The following MCPH1 variants were observed in gnomAD, a reference collection of about 807,000 sequenced individuals.
MCPH1 encodes microcephalin 1.
Under a neutral mutation model 84.5 loss-of-function variants are expected in MCPH1, and 104 were observed. The ratio of observed to expected loss-of-function variants is 1.23; its 90% confidence interval spans 1.05 to 1.45. The LOEUF (loss-of-function observed/expected upper bound fraction) is 1.45, where lower values mean the gene tolerates loss of function less well. MCPH1 is among the 40% of genes most tolerant of loss of function. The probability of loss-of-function intolerance (pLI) is 0.00; values close to 1 mark genes in which losing one functional copy is unlikely to be tolerated. For missense variants in MCPH1, 1,498 were observed against 1,005.7 expected, an observed-to-expected ratio of 1.49 and a Z score of -6.62; for synonymous variants, 514 against 366.8, an observed-to-expected ratio of 1.40 and a Z score of -4.58.
chr8:6,542,572 G>A (rs377320162), intron 12 of MCPH1, among the ~76,000 whole-genome samples: 1 of 151,264 alleles, frequency 6.6e-6, no homozygotes, highest in African/African-American at 2.4e-5. Context: ...CACTCTCATC[G>A]CTGTACTGAT....
chr8:6,585,556 C>T (rs913926127), intron 12 of MCPH1, among the ~76,000 whole-genome samples: 1 of 152,236 alleles, frequency 6.6e-6, no homozygotes, highest in African/African-American at 2.4e-5. Flanking sequence ...AGGTTTACCT[C>T]TCTAAATGTC....
chr8:6,509,662 C>T (rs549536548), intron 12 of MCPH1, among the ~76,000 whole-genome samples: 1 of 152,200 alleles, frequency 6.6e-6, no homozygotes, highest in Non-Finnish European at 1.5e-5. Flanking sequence ...ATTTACAATA[C>T]AGACGATCCC....
intron 12 of MCPH1, chr8:6,509,166 G>C (rs1814415571): frequency 6.9e-7 from 1 of 1,448,892 alleles, no homozygotes; most frequent in Non-Finnish European, 9.3e-7. Flanking sequence ...AGCGTGTTCT[G>C]TACTCGTTAA....
At chr8:6,623,700 A>C (rs916746055) in intron 13 of MCPH1, among the ~76,000 whole-genome samples, 8 of 6,180 alleles carry the variant, frequency 1.3e-3, no homozygotes, top group African/African-American at 5.3e-3. Context: ...AAAAAAAAAA[A>C]AAAAAAAAAA....
At chr8:6,550,170 C>A (rs1316125431) in intron 12 of MCPH1, among the ~76,000 whole-genome samples, 7 of 152,230 alleles carry the variant, frequency 4.6e-5, no homozygotes, top group Non-Finnish European at 7.3e-5. Flanking sequence ...AACCTGGAAA[C>A]CCTCGCCTGG....
At chr8:6,435,261 A>G (rs926509175) in intron 4 of MCPH1, among the ~76,000 whole-genome samples, 5 of 152,164 alleles carry the variant, frequency 3.3e-5, no homozygotes, top group Non-Finnish European at 7.3e-5. Context: ...TGACGTGAGA[A>G]TAGTGCTACC....
intron 12 of MCPH1, among the ~76,000 whole-genome samples, chr8:6,604,909 G>C (rs1563178028): frequency 6.6e-6 from 1 of 152,226 alleles, no homozygotes; most frequent in Non-Finnish European, 1.5e-5. Context: ...TAAGTAAGGA[G>C]GAGTAAGAGC....
At chr8:6,544,821 T>C (rs1822258805) in intron 12 of MCPH1, among the ~76,000 whole-genome samples, 1 of 152,202 alleles carries the variant, frequency 6.6e-6, no homozygotes, top group Non-Finnish European at 1.5e-5. Context: ...TGCTGAACTG[T>C]CGACATCAGG....
intron 4 of MCPH1, among the ~76,000 whole-genome samples, chr8:6,434,679 C>G (rs189798225): frequency 3.3e-5 from 5 of 152,094 alleles, no homozygotes; most frequent in Non-Finnish European, 5.9e-5. Context: ...GAGCAAGATC[C>G]CCAGTATAGG....
At chr8:6,429,744 C>T (rs914046382) in intron 3 of MCPH1, among the ~76,000 whole-genome samples, 4 of 151,864 alleles carry the variant, frequency 2.6e-5, no homozygotes, top group African/African-American at 9.7e-5. Context: ...ATTCCCCCTC[C>T]CCATCTTAGT....
At chr8:6,482,594 C>G (rs1369254321) in intron 11 of MCPH1, among the ~76,000 whole-genome samples, 1 of 152,162 alleles carries the variant, frequency 6.6e-6, no homozygotes, top group Non-Finnish European at 1.5e-5. Context: ...GATTCCTTAC[C>G]CAACTTATTC....
At chr8:6,592,240 C>T (rs149514879) in intron 12 of MCPH1, among the ~76,000 whole-genome samples, 1 of 152,072 alleles carries the variant, frequency 6.6e-6, no homozygotes, top group African/African-American at 2.4e-5. Flanking sequence ...GCAGCTCAAC[C>T]TCTCGGGCTC....
At chr8:6,632,880 A>AAC (rs1425947663) in intron 13 of MCPH1, among the ~76,000 whole-genome samples, 6 of 152,116 alleles carry the variant, frequency 3.9e-5, no homozygotes, top group Non-Finnish European at 8.8e-5. Context: ...GTGTTTTTAA[A>AAC]ACACACACAC....
intron 13 of MCPH1, among the ~76,000 whole-genome samples, chr8:6,631,967 G>A (rs976573711): frequency 2.6e-5 from 4 of 152,196 alleles, no homozygotes; most frequent in Admixed American, 2.6e-4. Flanking sequence ...GAAACAAAAT[G>A]TGGTCTATCC....
chr8:6,450,170 T>G (rs1216961043), intron 8 of MCPH1, among the ~76,000 whole-genome samples: 1 of 152,174 alleles, frequency 6.6e-6, no homozygotes, highest in African/African-American at 2.4e-5. Context: ...AGTCACCAGT[T>G]GTTGGAGGTC....
At chr8:6,448,556 CTG>C (rs1804699526) in intron 8 of MCPH1, among the ~76,000 whole-genome samples, 1 of 152,220 alleles carries the variant, frequency 6.6e-6, no homozygotes, top group African/African-American at 2.4e-5. Context: ...GAAGAACAGA[CTG>C]TGGGTTGGAG....
At chr8:6,439,172 G>C (rs1186067508) in intron 6 of MCPH1, 76 bp downstream of exon 6, 3 of 1,437,658 alleles carry the variant, frequency 2.1e-6, no homozygotes, top group East Asian at 4.8e-5. Context: ...TTTTTTCTTT[G>C]CCTAGATATT....
At chr8:6,623,210 T>C (rs542553657) in intron 13 of MCPH1, among the ~76,000 whole-genome samples, 34 of 152,122 alleles carry the variant, frequency 2.2e-4, no homozygotes, top group African/African-American at 7.7e-4. Flanking sequence ...TACAGTCTCA[T>C]CCTGAGTTAC....
chr8:6,534,682 G>A (rs564256723), intron 12 of MCPH1, among the ~76,000 whole-genome samples: 13 of 151,946 alleles, frequency 8.6e-5, no homozygotes, highest in East Asian at 3.8e-4. Flanking sequence ...ACTGATACCC[G>A]GCAGGCCAGC....
Sources: allele counts gnomAD v4.1 joint callset (sites outside exome capture counted in the v4.1 genomes callset), GRCh38; gene constraint gnomAD v4.1.1; transcripts MANE v1.5; gene names NCBI Gene and HGNC (gene_info 2026-07-23, HGNC 2026-07-21).